Variants in ZNF157 observed in about 807,000 individuals in gnomAD.
The protein encoded by ZNF157 is zinc finger protein 157.
ZNF157 carries 8 observed loss-of-function variants against 9.4 expected under a neutral mutation model. The observed-to-expected ratio is 0.85, with a 90% CI of 0.50 to 1.53. The LOEUF (loss-of-function observed/expected upper bound fraction) is 1.53. Among genes scored for constraint, ZNF157 ranks in the 40% most tolerant of loss-of-function variants. The pLI is 0.00. For missense variants in ZNF157, 316 were observed against 385.2 expected (o/e 0.82, Z 1.50); for synonymous variants, 120 against 130.8 (o/e 0.92, Z 0.56).
At chrX:47,410,918 C>A (rs1378006483) in intron 3 of ZNF157, 143 bp downstream of exon 3, 1 of 452,760 alleles carries the variant, frequency 2.2e-6, no homozygotes, top group African/African-American at 2.5e-5. Context: ...GACGGAAGGT[C>A]TACATGCTTC....
chrX:47,377,117 T>C (rs893050882), intron 1 of ZNF157, among the ~76,000 whole-genome samples: 3 of 110,571 alleles, frequency 2.7e-5, no homozygotes, highest in Non-Finnish European at 5.7e-5. Flanking sequence ...TCTGATCTTG[T>C]GGCCCCCACC....
chrX:47,391,978 T>C lies in ZNF157; in HGVS notation c.73-18298T>C, dbSNP rs1296847988. 2.5e-4 allele frequency among the ~76,000 whole-genome samples: 27 copies of C among 109,454 alleles called. 2 individuals carry two copies. Among genetic ancestry groups the C allele is most frequent in the Admixed American group, 2.4e-3 (25 of 10,218 alleles). On this transcript the variant is annotated intron_variant, in intron 1 of 3. Coordinates refer to ENST00000377073, the MANE Select transcript of ZNF157 (RefSeq NM_003446.4). ...AATCTCAGCTCACCGCAAGCTCCAC[T>C]TCCCAGGTTCACGCCATTCTCCTGC... is the stretch of plus-strand genomic sequence containing the variant.
In ZNF157 at chrX:47,370,727, G is replaced by T; in HGVS notation, c.59G>T (p.Gly20Val). The change falls in exon 1 of 4, where the codon GGC becomes GTC. Residue 20 changes from glycine (G) to valine (V), a missense_variant. Gly to Val is a moderately radical substitution (Grantham distance 109, BLOSUM62 -3). Coordinates refer to ENST00000377073, the MANE Select transcript of ZNF157 (RefSeq NM_003446.4). Reference sequence around the variant, plus strand: ...CCTGCCCTGATTCCAGGAGAACCTGGCAGATCTTTTGAGGTAAGGAGGAGG... The same window carrying T: ...CCTGCCCTGATTCCAGGAGAACCTGTCAGATCTTTTGAGGTAAGGAGGAGG... ...RFPALIPGEP[G>V]RSFEGSVSFE... is the part of the protein sequence containing the mutation. The T allele has an allele frequency of 8.3e-7, 1 of 1,201,322 alleles. No homozygotes were observed.
At chrX:47,386,414 G>A (rs1411718527) in intron 1 of ZNF157, among the ~76,000 whole-genome samples, 1 of 110,992 alleles carries the variant, frequency 9.0e-6, no homozygotes, top group Non-Finnish European at 1.9e-5. Flanking sequence ...TCTCTAGAAT[G>A]TTGTCATTTC....
At chrX:47,409,997 G>A (rs1170438689) in intron 1 of ZNF157, among the ~76,000 whole-genome samples, 1 of 111,600 alleles carries the variant, frequency 9.0e-6, no homozygotes, top group Non-Finnish European at 1.9e-5. Context: ...CAGGCACATA[G>A]TGTTTGTTTT....
At chrX:47,400,806 C>T (rs1479910962) in intron 1 of ZNF157, among the ~76,000 whole-genome samples, 3 of 111,654 alleles carry the variant, frequency 2.7e-5, no homozygotes, top group African/African-American at 9.8e-5. Flanking sequence ...CAGGCATGTG[C>T]CACCGTGCCT....
intron 1 of ZNF157, among the ~76,000 whole-genome samples, chrX:47,393,746 T>TCCCC (rs1411531595): frequency 1.6e-5 from 1 of 61,847 alleles, no homozygotes; most frequent in Non-Finnish European, 3.2e-5. Context: ...CCCCGCCCTT[T>TCCCC]TTTTTTTTTT....
chrX:47,382,516 G>T (rs1367774146), intron 1 of ZNF157, among the ~76,000 whole-genome samples: 1 of 106,900 alleles, frequency 9.4e-6, no homozygotes, highest in Non-Finnish European at 1.9e-5. Context: ...ACCGCACCCA[G>T]CCCAGAACAT....
At chrX:47,403,674 A>T (rs928646448) in intron 1 of ZNF157, among the ~76,000 whole-genome samples, 1 of 111,511 alleles carries the variant, frequency 9.0e-6, no homozygotes, top group Non-Finnish European at 1.9e-5. Flanking sequence ...CAAAAGTTAT[A>T]TCAAGAACCA....
chrX:47,393,582 A>G (rs779642198), intron 1 of ZNF157, among the ~76,000 whole-genome samples: 1 of 110,036 alleles, frequency 9.1e-6, no homozygotes, highest in East Asian at 2.9e-4. Context: ...TCTTTTTGAG[A>G]CAAGGTCTCA....
intron 1 of ZNF157, among the ~76,000 whole-genome samples, chrX:47,385,544 CGTGTGTGTGT>C (rs10687283): frequency 1.2e-4 from 11 of 90,367 alleles, no homozygotes; most frequent in African/African-American, 2.4e-4. Context: ...TAAGCGATTC[CGTGTGTGTGT>C]GTGTGTGTGT....
At chrX:47,403,418 C>T (rs1602771866) in intron 1 of ZNF157, among the ~76,000 whole-genome samples, 2 of 110,663 alleles carry the variant, frequency 1.8e-5, no homozygotes, top group Non-Finnish European at 3.8e-5. Flanking sequence ...ACTGGAACCT[C>T]GACTGCCTGG....
Position 47,374,998 on chromosome X carries a change from C to CTTT in ZNF157, c.72+4292_72+4294dup, listed in dbSNP as rs769541152. Among the ~76,000 whole-genome samples the CTTT allele has an allele frequency of 2.5e-3, 63 of 24,998 alleles. 12 individuals carry two copies. The highest frequency in any genetic ancestry group is 3.5e-3 in the Non-Finnish European group (50 of 14,379). 21.7% of individuals were successfully genotyped at this position (24,998 alleles called of 115,157 possible). A position where few individuals can be genotyped will look rare whatever the true frequency, so the allele number is the denominator to read the frequency against. On this transcript the variant is annotated intron_variant, in intron 1 of 3. Transcript: ENST00000377073. ...GTGAGCCCTGAGCCCGGCTGACAAT[C>CTTT]TTTTTTTTTTTTTTTTTTTTTTTTT...
intron 1 of ZNF157, among the ~76,000 whole-genome samples, chrX:47,375,885 C>T (rs915092138): frequency 9.0e-6 from 1 of 111,109 alleles, no homozygotes; most frequent in Non-Finnish European, 1.9e-5. Context: ...TATAGAGACA[C>T]GGTTTTACCA....
At chrX:47,399,625 T>C (rs1473463601) in intron 1 of ZNF157, among the ~76,000 whole-genome samples, 1 of 111,871 alleles carries the variant, frequency 8.9e-6, no homozygotes, top group Non-Finnish European at 1.9e-5. Context: ...GAGCACAAAC[T>C]TGGGAAGGTG....
chrX:47,371,889 A>G (rs12687171), intron 1 of ZNF157, among the ~76,000 whole-genome samples: 40,123 of 110,767 alleles, frequency 0.36, 5,576 homozygotes, highest in African/African-American at 0.49. Flanking sequence ...TTACAGGCGT[A>G]AGCCACCGTG....
intron 1 of ZNF157, among the ~76,000 whole-genome samples, chrX:47,408,544 A>G (rs2055954053): frequency 9.0e-6 from 1 of 110,795 alleles, no homozygotes; most frequent in Non-Finnish European, 1.9e-5. Flanking sequence ...CCCCTCAAGT[A>G]GCTGGGATTA....
chrX:47,386,616 C>A (rs1386431351), intron 1 of ZNF157, among the ~76,000 whole-genome samples: 1 of 109,071 alleles, frequency 9.2e-6, no homozygotes, highest in Admixed American at 9.9e-5. Context: ...TGCACCATCA[C>A]ACCCGGCTAA....
intron 1 of ZNF157, among the ~76,000 whole-genome samples, chrX:47,388,049 G>A (rs192334806): frequency 5.5e-5 from 6 of 109,472 alleles, no homozygotes; most frequent in African/African-American, 2.0e-4. Flanking sequence ...TTCCTTTATA[G>A]TGGAGAGTTC....
Sources: allele counts gnomAD v4.1 joint callset (sites outside exome capture counted in the v4.1 genomes callset), GRCh38; gene constraint gnomAD v4.1.1; transcripts MANE v1.5; gene names NCBI Gene and HGNC (gene_info 2026-07-23, HGNC 2026-07-21).